The following CTNNA3 variants were observed in gnomAD, a reference collection of about 807,000 sequenced individuals.
The protein encoded by CTNNA3 is catenin alpha-3.
A neutral mutation model predicts 95.7 loss-of-function variants in CTNNA3; 76 were observed. The ratio of observed to expected loss-of-function variants is 0.79; its 90% CI spans 0.66 to 0.96. CTNNA3 has a LOEUF of 0.96. Among genes scored for constraint, CTNNA3 ranks in the 40% least tolerant of loss-of-function variants. The probability of loss-of-function intolerance (pLI) is 0.00; values close to 1 mark genes in which losing one functional copy is unlikely to be tolerated. For synonymous variants in CTNNA3, 431 were observed against 374.4 expected (o/e 1.15, Z -1.74); for missense variants, 1,191 against 1,089.8 (o/e 1.09, Z -1.31).
intron 5 of CTNNA3, among the ~76,000 whole-genome samples, chr10:67,504,875 C>T (rs186814460): frequency 8.5e-5 from 13 of 152,294 alleles, no homozygotes; most frequent in East Asian, 1.9e-4. Flanking sequence ...AGTTCAGGTA[C>T]GCTTAATTTA....
At chr10:66,837,198 A>G (rs1842913929) in intron 7 of CTNNA3, among the ~76,000 whole-genome samples, 2 of 152,190 alleles carry the variant, frequency 1.3e-5, no homozygotes, top group South Asian at 4.1e-4. Context: ...ATTATCGAAT[A>G]AGCAACATCA....
At chr10:66,446,004 C>A (rs1342773820) in intron 11 of CTNNA3, among the ~76,000 whole-genome samples, 2 of 152,156 alleles carry the variant, frequency 1.3e-5, no homozygotes, top group East Asian at 1.9e-4. Flanking sequence ...CACTACCAAT[C>A]CCACAGAAAT....
intron 1 of CTNNA3, among the ~76,000 whole-genome samples, chr10:67,760,055 A>G (rs1012210370): frequency 6.6e-6 from 1 of 152,214 alleles, no homozygotes; most frequent in African/African-American, 2.4e-5. Context: ...TTATGCAGCA[A>G]TAGAAAACGA....
intron 3 of CTNNA3, among the ~76,000 whole-genome samples, chr10:67,582,737 G>A (rs1842452094): frequency 6.6e-6 from 1 of 151,948 alleles, no homozygotes; most frequent in East Asian, 1.9e-4. Flanking sequence ...ATTAATCTGT[G>A]GCCTCCTGTA....
intron 1 of CTNNA3, among the ~76,000 whole-genome samples, chr10:67,706,146 C>G (rs1841077529): frequency 6.6e-6 from 1 of 152,084 alleles, no homozygotes; most frequent in East Asian, 1.9e-4. Flanking sequence ...TGGGCAGAAC[C>G]ATCTTGTAAA....
intron 5 of CTNNA3, among the ~76,000 whole-genome samples, chr10:67,424,591 T>C (rs1054388766): frequency 6.6e-6 from 1 of 152,124 alleles, no homozygotes. Flanking sequence ...GTACCCTAGA[T>C]AAATTTTCCA....
chr10:67,559,375 A>C (rs1841394705), intron 3 of CTNNA3, among the ~76,000 whole-genome samples: 1 of 152,212 alleles, frequency 6.6e-6, no homozygotes, highest in Non-Finnish European at 1.5e-5. Flanking sequence ...TACCCAGGCA[A>C]ACAGGGTCTG....
In CTNNA3 at chr10:66,222,599, CGAAA is replaced by C. The variant is rs67153927; in HGVS notation, c.1884+57867_1884+57870del. Among the ~76,000 whole-genome samples, 617 of 82,888 alleles carry C rather than the reference CGAAA, an allele frequency of 7.4e-3. 4 individuals carry two copies. Among genetic ancestry groups the C allele is most frequent in the Middle Eastern group, 0.026 (4 of 154 alleles). The allele number at this position is 82,888 out of a possible 152,430, so 54.4% of individuals were successfully genotyped here. ...GAAAGAAGGAAAGAAAAAGAAAGAA[CGAAA>C]GAAAGAAAGAAAGAAAGAAAAAGAA... is the stretch of plus-strand genomic sequence containing the variant. On this transcript the variant is annotated intron_variant, in intron 13 of 17. Transcript: ENST00000433211.
intron 17 of CTNNA3, among the ~76,000 whole-genome samples, chr10:65,956,273 C>T (rs539758752): frequency 6.6e-6 from 1 of 152,088 alleles, no homozygotes; most frequent in East Asian, 1.9e-4. Flanking sequence ...TTTGATTATT[C>T]TCTCTTTTCT....
chr10:66,380,312 C>A (rs2007114), intron 11 of CTNNA3, among the ~76,000 whole-genome samples: 96,832 of 151,410 alleles, frequency 0.64, 32,454 homozygotes, highest in East Asian at 0.88. Context: ...CTCTTGTCGT[C>A]CAAAAAATAA....
At chr10:67,336,063 G>A (rs1240578163) in intron 5 of CTNNA3, among the ~76,000 whole-genome samples, 2 of 151,790 alleles carry the variant, frequency 1.3e-5, no homozygotes, top group Non-Finnish European at 2.9e-5. Flanking sequence ...TGTTACCATC[G>A]TAATTGTTGT....
At chr10:67,744,550 CT>C (rs1841362487) in intron 1 of CTNNA3, among the ~76,000 whole-genome samples, 1 of 151,176 alleles carries the variant, frequency 6.6e-6, no homozygotes, top group South Asian at 2.1e-4. Context: ...CATAAAAACC[CT>C]AGAAGAAAAC....
At chr10:67,510,001 T>G (rs1256537564) in intron 5 of CTNNA3, among the ~76,000 whole-genome samples, 1 of 152,252 alleles carries the variant, frequency 6.6e-6, no homozygotes, top group Non-Finnish European at 1.5e-5. Context: ...TTTTGAAAAG[T>G]GTCTGTTCAT....
intron 13 of CTNNA3, among the ~76,000 whole-genome samples, chr10:66,152,316 A>G (rs976687921): frequency 2.0e-5 from 3 of 151,980 alleles, no homozygotes; most frequent in African/African-American, 7.2e-5. Context: ...GGCACTGATA[A>G]TACAGATATT....
chr10:65,924,369 G>A (rs779641618), intron 17 of CTNNA3, among the ~76,000 whole-genome samples: 1 of 152,042 alleles, frequency 6.6e-6, no homozygotes, highest in African/African-American at 2.4e-5. Flanking sequence ...GGATCTATGA[G>A]CTAAGAGTAA....
At chr10:67,431,906 C>A (rs1420014280) in intron 5 of CTNNA3, among the ~76,000 whole-genome samples, 1 of 151,984 alleles carries the variant, frequency 6.6e-6, no homozygotes, top group African/African-American at 2.4e-5. Flanking sequence ...TGTTTCTCCT[C>A]CAGTGTTCGT....
At chr10:67,366,513 T>C (rs1351215788) in intron 5 of CTNNA3, among the ~76,000 whole-genome samples, 1 of 152,058 alleles carries the variant, frequency 6.6e-6, no homozygotes, top group African/African-American at 2.4e-5. Context: ...TGGTGGCACA[T>C]GCCTCCAATC....
intron 7 of CTNNA3, among the ~76,000 whole-genome samples, chr10:67,063,848 A>G (rs1324567641): frequency 6.6e-6 from 1 of 152,206 alleles, no homozygotes; most frequent in East Asian, 1.9e-4. Flanking sequence ...AGAAAATTCT[A>G]AAAGGATGAT....
intron 5 of CTNNA3, among the ~76,000 whole-genome samples, chr10:67,473,461 A>C (rs1847900463): frequency 6.6e-6 from 1 of 152,014 alleles, no homozygotes; most frequent in African/African-American, 2.4e-5. Flanking sequence ...ACACAACAAC[A>C]CAGAATATGA....
Sources: allele counts gnomAD v4.1 joint callset (sites outside exome capture counted in the v4.1 genomes callset), GRCh38; gene constraint gnomAD v4.1.1; transcripts MANE v1.5; gene names NCBI Gene and HGNC (gene_info 2026-07-23, HGNC 2026-07-21).